MESD: variants seen among roughly 807,000 people sequenced by gnomAD.
MESD encodes mesoderm development LRP chaperone.
MESD carries 7 observed loss-of-function variants against 12.9 expected under a neutral mutation model. The observed-to-expected ratio is 0.54, with a 90% CI of 0.31 to 1.02. The LOEUF (loss-of-function observed/expected upper bound fraction) is 1.02, where lower values mean the gene tolerates loss of function less well. Ranked by LOEUF, MESD falls within the 50% of genes least tolerant of loss-of-function variation. The pLI is 0.05. For synonymous variants in MESD, 126 were observed against 115.6 expected (o/e 1.09, Z -0.58); for missense variants, 342 against 296.7 (o/e 1.15, Z -1.12).
Position 80,952,944 on chromosome 15 carries a change from A to G in MESD, c.*289-648T>C, listed in dbSNP as rs76009617. The G allele has an allele frequency of 5.2e-3, 2,365 of 455,856 alleles. 57 individuals carry two copies. The highest frequency in any genetic ancestry group is 0.042 in the African/African-American group (2,088 of 50,174). 28.2% of individuals were successfully genotyped at this position (455,856 alleles called of 1,614,324 possible). On this transcript the variant is annotated intron_variant, in intron 3 of 4. Transcript: ENST00000561312. The stretch of plus-strand genomic sequence containing the variant: ...TGGAGAACATGAAATTACCTGCCCA[A>G]TGAGTGGTGTGGCAGGCTTCTGAGG...
At chr15:80,974,391 T>C (rs189385901), downstream of MESD, among the ~76,000 whole-genome samples, 2 of 152,166 alleles carry the variant, frequency 1.3e-5, no homozygotes, top group Admixed American at 6.5e-5. Context: ...ACCCAAACAT[T>C]TTGGAATTAG....
chr15:80,988,338 C>CCTGT (rs1902790560), intron 1 of MESD, among the ~76,000 whole-genome samples: 1 of 152,214 alleles, frequency 6.6e-6, no homozygotes, highest in Non-Finnish European at 1.5e-5. Context: ...ACTCATCCAT[C>CCTGT]CTGTTATCTA....
chr15:80,949,563 T>G (rs1475770634), intron 4 of MESD: 1 of 164,432 alleles, frequency 6.1e-6, no homozygotes. Context: ...AGTTCTGAGA[T>G]TCCAGAAATC....
At chr15:80,986,255 A>G (rs752110186) in intron 1 of MESD, among the ~76,000 whole-genome samples, 10 of 152,200 alleles carry the variant, frequency 6.6e-5, no homozygotes, top group Non-Finnish European at 1.5e-4. Context: ...TGGTTACTAG[A>G]GGCTGGGAAG....
intron 1 of MESD, among the ~76,000 whole-genome samples, chr15:80,988,247 G>T (rs1902787348): frequency 6.6e-6 from 1 of 152,226 alleles, no homozygotes; most frequent in Non-Finnish European, 1.5e-5. Context: ...CTAGAAAATA[G>T]GGATAAGTAC....
chr15:80,967,357 C>A (rs1902195317), intron 3 of MESD, among the ~76,000 whole-genome samples: 1 of 152,072 alleles, frequency 6.6e-6, no homozygotes, highest in Admixed American at 6.5e-5. Flanking sequence ...TAATTTAGAG[C>A]AAGGACCTCA....
Position 80,979,142 on chromosome 15 carries a change from A to G in MESD, c.*77T>C. ...GTCATCCGGTGTGCAGTTGCCTGAG[A>G]CCACTCCCACCCCAGGAGCTGGGCA... On this transcript the variant is annotated 3_prime_UTR_variant, in exon 3 of 3. Coordinates refer to ENST00000261758, the MANE Select transcript of MESD (RefSeq NM_015154.3). 6.5e-7 allele frequency: 1 copy of G among 1,541,138 alleles called. No individual in the cohort carries two copies. The highest frequency in any genetic ancestry group is 1.3e-5 in the South Asian group (1 of 78,056).
rs1212289138 is a variant in MESD, at chr15:80,989,609, T to C, written c.183A>G (p.Ala61=). ...ATTGCTCCAGAAGACGCGCCATGTCTGCATCATTGTAATCGCGAATATCCT... is the reference window on the plus strand; with the variant it reads ...ATTGCTCCAGAAGACGCGCCATGTCCGCATCATTGTAATCGCGAATATCCT... ...KKKDIRDYND[A]DMARLLEQWE... Residue 61 remains alanine, a synonymous_variant, in exon 1 of 3, where the codon GCA becomes GCG. Coordinates refer to ENST00000261758, the MANE Select transcript of MESD (RefSeq NM_015154.3). 1 of 1,613,866 alleles carries C rather than the reference T, an allele frequency of 6.2e-7. No homozygotes were observed.
In MESD at chr15:80,975,822, G is replaced by A. The variant is rs1367544954; in HGVS notation, c.*3397C>T. On this transcript the variant is annotated 3_prime_UTR_variant, in exon 3 of 3. Transcript: ENST00000261758. ...TTAAAACAAACAAGACAAAAAGGAA[G>A]ACAAATTCATTAAAAACAGGACATT... 2 of 152,022 alleles carry A rather than the reference G, an allele frequency of 1.3e-5. No homozygotes were observed. Among genetic ancestry groups the A allele is most frequent in the African/African-American group, 4.8e-5 (2 of 41,400 alleles). 9.4% of individuals were successfully genotyped at this position (152,022 alleles called of 1,614,324 possible).
chr15:80,968,636 A>C (rs768343782), intron 3 of MESD, among the ~76,000 whole-genome samples: 1 of 151,522 alleles, frequency 6.6e-6, no homozygotes, highest in Non-Finnish European at 1.5e-5. Flanking sequence ...GTGAGACCCC[A>C]CCTCTTTACT....
intron 3 of MESD, among the ~76,000 whole-genome samples, chr15:80,957,094 G>A (rs1902002664): frequency 1.3e-5 from 2 of 151,916 alleles, no homozygotes; most frequent in Admixed American, 1.3e-4. Context: ...CAAAGTGCTG[G>A]GATTATAGAT....
At chr15:80,962,618 C>G (rs763914576) in intron 3 of MESD, among the ~76,000 whole-genome samples, 4 of 152,182 alleles carry the variant, frequency 2.6e-5, no homozygotes, top group Non-Finnish European at 5.9e-5. Flanking sequence ...TGTAAAAGAA[C>G]AGAAACCACA....
At chr15:80,986,661 C>CTTTAA (rs1020630782) in intron 1 of MESD, among the ~76,000 whole-genome samples, 67 of 152,174 alleles carry the variant, frequency 4.4e-4, no homozygotes, top group Admixed American at 9.2e-4. Context: ...ACAATCCAGT[C>CTTTAA]TTTACCCTGA....
downstream of MESD, among the ~76,000 whole-genome samples, chr15:80,971,961 A>G (rs1033613194): frequency 4.6e-5 from 7 of 152,218 alleles, no homozygotes; most frequent in African/African-American, 1.7e-4. Flanking sequence ...AAAAAAAAAA[A>G]AAAGAAATCG....
intron 3 of MESD, chr15:80,953,152 T>C (rs1009690181): frequency 2.2e-6 from 1 of 449,828 alleles, no homozygotes; most frequent in Admixed American, 2.4e-5. Flanking sequence ...GGCTCAGTCA[T>C]GAGAGGCAAA....
chr15:80,956,015 C>T (rs185322030), intron 3 of MESD, among the ~76,000 whole-genome samples: 1 of 151,912 alleles, frequency 6.6e-6, no homozygotes, highest in East Asian at 2.0e-4. Flanking sequence ...CATGGCAAAA[C>T]CTCATCTCTA....
At chr15:80,971,633 A>AT (rs112387692), downstream of MESD, among the ~76,000 whole-genome samples, 861 of 150,650 alleles carry the variant, frequency 5.7e-3, 6 homozygotes, top group Non-Finnish European at 7.4e-3. Flanking sequence ...TCTTAAAACA[A>AT]TTTTTTTTTT....
chr15:80,980,971 G>A (rs1206925358), intron 2 of MESD, among the ~76,000 whole-genome samples: 1 of 151,846 alleles, frequency 6.6e-6, no homozygotes, highest in East Asian at 2.0e-4. Context: ...TTACAGGCGT[G>A]CATCACCATG....
At chr15:80,948,614 T>C (rs1276881973) in exon 5 of MESD, 10 of 798,788 alleles carry the variant, frequency 1.3e-5, no homozygotes, top group Non-Finnish European at 2.1e-5. Flanking sequence ...GCCTGCCCCA[T>C]ACAAACACAT....
Sources: allele counts gnomAD v4.1 joint callset (sites outside exome capture counted in the v4.1 genomes callset), GRCh38; gene constraint gnomAD v4.1.1; transcripts MANE v1.5; gene names NCBI Gene and HGNC (gene_info 2026-07-23, HGNC 2026-07-21).